Variants in SCNN1B observed in about 807,000 individuals in gnomAD.
The protein encoded by SCNN1B is epithelial sodium channel subunit beta.
In SCNN1B, 46 loss-of-function variants were observed where a neutral mutation model predicts 65.3. The ratio of observed to expected loss-of-function variants is 0.70; its 90% CI spans 0.56 to 0.90. SCNN1B has a LOEUF of 0.90. Among genes scored for constraint, SCNN1B ranks in the 40% least tolerant of loss-of-function variants. SCNN1B has a pLI of 0.00. For synonymous variants in SCNN1B, 349 were observed against 330.6 expected (o/e 1.06, Z -0.60); for missense variants, 751 against 830.5 (o/e 0.90, Z 1.18).
intron 1 of SCNN1B, among the ~76,000 whole-genome samples, chr16:23,305,583 A>AAAAAAATATTT (rs1567290527): frequency 1.1e-5 from 1 of 93,180 alleles, no homozygotes; most frequent in Admixed American, 1.3e-4. Context: ...TATATTATAT[A>AAAAAAATATTT]TATATATATA....
At chr16:23,308,676 C>T (rs1203589618) in intron 1 of SCNN1B, among the ~76,000 whole-genome samples, 1 of 152,054 alleles carries the variant, frequency 6.6e-6, no homozygotes, top group Non-Finnish European at 1.5e-5. Flanking sequence ...TGACTGTCAC[C>T]CAGACTGGAG....
chr16:23,296,894 G>A (rs73542322), intron 2 of SCNN1B, among the ~76,000 whole-genome samples: 14,608 of 151,732 alleles, frequency 0.096, 2,385 homozygotes, highest in African/African-American at 0.34. Context: ...GGCTGAGGCA[G>A]GGGAATCGCT....
intron 4 of SCNN1B, among the ~76,000 whole-genome samples, chr16:23,365,452 A>G (rs1466090183): frequency 7.2e-6 from 1 of 139,688 alleles, no homozygotes; most frequent in Non-Finnish European, 1.5e-5. Flanking sequence ...AAAGAAAGAG[A>G]AGGAGAAAGA....
chr16:23,307,201 C>T (rs778774400), intron 1 of SCNN1B, among the ~76,000 whole-genome samples: 10 of 151,746 alleles, frequency 6.6e-5, no homozygotes, highest in Non-Finnish European at 1.0e-4. Context: ...TGGGAGGGTT[C>T]GAAGACAGAG....
chr16:23,380,931 C>A lies in SCNN1B; in HGVS notation c.*130C>A. On this transcript the variant is annotated 3_prime_UTR_variant, in exon 13 of 13. Coordinates refer to ENST00000343070, the MANE Select transcript of SCNN1B (RefSeq NM_000336.3). The surrounding 1 kb of genome is among the most constrained non-coding windows in gnomAD (Gnocchi z 5.4). ...TCTCCAGGCCAGAGCTTGTGTCCTT[C>A]AACAGAGAGGCCAGCGGCAACTGGT... The A allele has an allele frequency of 9.8e-7, 1 of 1,016,038 alleles. No individual in the cohort carries two copies. The highest frequency in any genetic ancestry group is 1.5e-6 in the Non-Finnish European group (1 of 648,078). The allele number at this position is 1,016,038 out of a possible 1,614,324, so 62.9% of individuals were successfully genotyped here.
At chr16:23,318,973 G>A (rs1961530628) in intron 1 of SCNN1B, among the ~76,000 whole-genome samples, 1 of 152,044 alleles carries the variant, frequency 6.6e-6, no homozygotes, top group Non-Finnish European at 1.5e-5. Context: ...GGGTGATTCT[G>A]TGTGCAAACA....
chr16:23,360,201 A>AAAAAAAATAAATAAATAAAT (rs1555488432), intron 4 of SCNN1B, among the ~76,000 whole-genome samples: 2 of 132,752 alleles, frequency 1.5e-5, no homozygotes, highest in Non-Finnish European at 3.3e-5. Context: ...CCATCTCAAA[A>AAAAAAAATAAATAAATAAAT]AAATAAATAA....
chr16:23,301,031 A>T (rs1447817462), upstream of SCNN1B, among the ~76,000 whole-genome samples: 1 of 124,958 alleles, frequency 8.0e-6, no homozygotes, highest in African/African-American at 3.3e-5. Flanking sequence ...TATTCCACAT[A>T]AACAAAAAGT....
chr16:23,282,182 C>T (rs182581643), intron 1 of SCNN1B, among the ~76,000 whole-genome samples: 149 of 152,204 alleles, frequency 9.8e-4, no homozygotes, highest in African/African-American at 3.4e-3. Flanking sequence ...CACACTATAT[C>T]CACGTACCAC....
At chr16:23,293,307 T>C (rs552500647) in intron 2 of SCNN1B, among the ~76,000 whole-genome samples, 5 of 152,156 alleles carry the variant, frequency 3.3e-5, no homozygotes, top group African/African-American at 9.6e-5. Flanking sequence ...GTGTGGTCTC[T>C]ACACACAATG....
At chr16:23,369,842 T>G (rs1962746798) in intron 5 of SCNN1B, among the ~76,000 whole-genome samples, 1 of 152,164 alleles carries the variant, frequency 6.6e-6, no homozygotes, top group Non-Finnish European at 1.5e-5. Context: ...TCCCTTCACT[T>G]CTCTGTGCCT....
chr16:23,297,243 A>C (rs79352211), intron 2 of SCNN1B, among the ~76,000 whole-genome samples: 26,885 of 152,056 alleles, frequency 0.18, 2,553 homozygotes, highest in Middle Eastern at 0.28. Flanking sequence ...TCACTGTTGG[A>C]CTTAACATTT....
intron 1 of SCNN1B, among the ~76,000 whole-genome samples, chr16:23,312,756 G>A (rs984613473): frequency 6.6e-6 from 1 of 152,102 alleles, no homozygotes; most frequent in African/African-American, 2.4e-5. Flanking sequence ...TGGAAGAGGA[G>A]CCTAGCTGGG....
At chr16:23,301,135 G>A (rs994162012), upstream of SCNN1B, among the ~76,000 whole-genome samples, 1 of 151,934 alleles carries the variant, frequency 6.6e-6, no homozygotes, top group Non-Finnish European at 1.5e-5. Context: ...AGCCCGAGGC[G>A]GGTGGATCAC....
intron 4 of SCNN1B, among the ~76,000 whole-genome samples, chr16:23,366,398 T>G (rs761722400): frequency 4.5e-4 from 69 of 152,070 alleles, no homozygotes; most frequent in Non-Finnish European, 6.8e-4. Context: ...TTTTATTTTT[T>G]GTAGAGATAG....
intron 2 of SCNN1B, among the ~76,000 whole-genome samples, chr16:23,284,565 A>G (rs1339050269): frequency 1.3e-5 from 2 of 152,186 alleles, no homozygotes; most frequent in Non-Finnish European, 1.5e-5. Flanking sequence ...ATAAATAGAA[A>G]GAAAGCTAGG....
chr16:23,357,603 A>G (rs930362601), intron 4 of SCNN1B, among the ~76,000 whole-genome samples: 7 of 152,188 alleles, frequency 4.6e-5, no homozygotes, highest in African/African-American at 1.7e-4. Flanking sequence ...AAACAAATGC[A>G]CAGGCACACA....
At chr16:23,317,665 G>A (rs1961501209) in intron 1 of SCNN1B, among the ~76,000 whole-genome samples, 1 of 152,164 alleles carries the variant, frequency 6.6e-6, no homozygotes. Flanking sequence ...AGAGCGGCTG[G>A]CACACACCTC....
At chr16:23,354,133 T>C (rs1006403165) in intron 3 of SCNN1B, among the ~76,000 whole-genome samples, 12 of 152,310 alleles carry the variant, frequency 7.9e-5, no homozygotes, top group African/African-American at 2.9e-4. Flanking sequence ...CTAGCCGACG[T>C]CATATGGGGG....
Sources: gnomAD v4.1 joint callset for allele counts (sites outside exome capture counted in the v4.1 genomes callset) on GRCh38, gnomAD v4.1.1 for gene constraint, Gnocchi (gnomAD v3.1) non-coding constraint, MANE v1.5 for transcripts, NCBI Gene and HGNC (gene_info 2026-07-23, HGNC 2026-07-21) for gene names.